The following ABHD2 variants were observed in gnomAD, a reference collection of about 807,000 sequenced individuals.
ABHD2 encodes the protein abhydrolase domain containing 2, acylglycerol lipase.
Under a neutral mutation model 48.1 loss-of-function variants are expected in ABHD2, and 20 were observed. That is an observed-to-expected ratio of 0.42 (90% CI 0.29 to 0.60). The LOEUF (loss-of-function observed/expected upper bound fraction) is 0.60, where lower values mean the gene tolerates loss of function less well. ABHD2 is among the 20% of genes least tolerant of loss of function. The probability of loss-of-function intolerance (pLI) is 0.24; values close to 1 mark genes in which losing one functional copy is unlikely to be tolerated. For synonymous variants in ABHD2, 209 were observed against 214.2 expected (o/e 0.98, Z 0.21); for missense variants, 405 against 550.9 (o/e 0.74, Z 2.65).
rs191074459 is a variant in ABHD2, at chr15:89,095,004, C to T, written c.-107+6441C>T. Among the ~76,000 whole-genome samples, 15 of 143,026 alleles carry T rather than the reference C, an allele frequency of 1.0e-4. 1 individual carries two copies. Among genetic ancestry groups the T allele is most frequent in the East Asian group, 6.1e-4 (3 of 4,922 alleles). The allele number at this position is 143,026 out of a possible 152,430, so 93.8% of individuals were successfully genotyped here. The stretch of plus-strand genomic sequence containing the variant: ...ACTTGAACCCGGGAGGCAGAGGTTC[C>T]GGTGAGCCAAGATTGAGCTACTGTA... On this transcript the variant is annotated intron_variant, in intron 1 of 10. Coordinates refer to ENST00000352732, the MANE Select transcript of ABHD2 (RefSeq NM_152924.5).
Position 89,196,312 on chromosome 15 carries a change from GT to G in ABHD2, c.*890del, listed in dbSNP as rs2051402109. 6.6e-6 allele frequency: 1 copy of G among 152,246 alleles called. No individual in the cohort carries two copies. Among genetic ancestry groups the G allele is most frequent in the African/African-American group, 2.4e-5 (1 of 41,454 alleles). 9.4% of individuals were successfully genotyped at this position (152,246 alleles called of 1,614,324 possible). ...TGCCGTCGTGTGACCACAGTGTGAT[GT>G]CTCAGAAGGGCTCTGGGTGGGCTGA... On this transcript the variant is annotated 3_prime_UTR_variant, in exon 11 of 11. Coordinates refer to ENST00000352732, the MANE Select transcript of ABHD2 (RefSeq NM_152924.5).
At position 89,201,803 on chromosome 15, in the gene ABHD2, T is replaced by C; in HGVS notation, c.*6380T>C. The C allele has an allele frequency of 7.3e-7, 1 of 1,365,768 alleles. No homozygotes were observed. Among genetic ancestry groups the C allele is most frequent in the Non-Finnish European group, 1.0e-6 (1 of 960,510 alleles). The allele number at this position is 1,365,768 out of a possible 1,614,324, so 84.6% of individuals were successfully genotyped here. On this transcript the variant is annotated 3_prime_UTR_variant, in exon 11 of 11. Coordinates refer to ENST00000352732, the MANE Select transcript of ABHD2 (RefSeq NM_152924.5). Reference sequence around the variant, plus strand: ...CCGTGGCCCCGGAGGCAGACGCCATTGGAGAGACAGCGCAGAGCAGGGGGC... The same window carrying C: ...CCGTGGCCCCGGAGGCAGACGCCATCGGAGAGACAGCGCAGAGCAGGGGGC...
chr15:89,151,701 G>A lies in ABHD2; in HGVS notation c.219G>A (p.Gly73=), dbSNP rs776119406. The change falls in exon 4 of 11, where the codon GGG becomes GGA. Residue 73 remains glycine, a synonymous_variant. Coordinates refer to ENST00000352732, the MANE Select transcript of ABHD2 (RefSeq NM_152924.5). This position sits in a 1 kb window ranked among gnomAD's most constrained non-coding sequence, Gnocchi z 4.7. ...TKEYIPPLIW[G]KSGHIQTALY... The stretch of plus-strand genomic sequence containing the variant: ...GATACATTCCACCGTTGATCTGGGG[G>A]AAAAGTGGACACATCCAGACAGCCT... 5 of 1,614,120 alleles carry A rather than the reference G, an allele frequency of 3.1e-6. No individual in the cohort carries two copies. The highest frequency in any genetic ancestry group is 4.2e-6 in the Non-Finnish European group (5 of 1,179,964).
At position 89,151,815 on chromosome 15, in the gene ABHD2, C is replaced by T. The variant is rs769257223; in HGVS notation, c.333C>T (p.Phe111=). 4.3e-5 allele frequency: 69 copies of T among 1,614,094 alleles called. 1 individual carries two copies. In the Middle Eastern group the frequency reaches 4.6e-3, roughly 108 times the overall value. ...ITMSDGATST[F]DLFEPLAEHC... is the part of the protein sequence containing the mutation. ...TGTCTGATGGAGCCACTTCTACATT[C>T]GACCTCTTCGAGCCCTTGGCTGAGC... The change falls in exon 4 of 11, where the codon TTC becomes TTT. Residue 111 remains phenylalanine (F), a synonymous_variant. Transcript: ENST00000352732. This position sits in a 1 kb window ranked among gnomAD's most constrained non-coding sequence, Gnocchi z 4.7.
chr15:89,135,710 T>C (rs1276998009), intron 3 of ABHD2: 1 of 1,389,588 alleles, frequency 7.2e-7, no homozygotes, highest in Non-Finnish European at 1.0e-6. Flanking sequence ...CTTTTCTTAC[T>C]TTTCCTTCAG....
the ABHD2 span, among the ~76,000 whole-genome samples, chr15:89,058,567 C>T: frequency 6.6e-6 from 1 of 152,130 alleles, no homozygotes; most frequent in Non-Finnish European, 1.5e-5. Flanking sequence ...GGAGCTTCTC[C>T]TGCTCTGGGC....
the ABHD2 span, among the ~76,000 whole-genome samples, chr15:89,071,789 G>C: frequency 6.6e-6 from 1 of 152,176 alleles, no homozygotes; most frequent in Non-Finnish European, 1.5e-5. Flanking sequence ...TTAAGTTATT[G>C]CTATTGGGTA....
intron 5 of ABHD2, among the ~76,000 whole-genome samples, chr15:89,169,144 G>A (rs995931113): frequency 6.6e-6 from 1 of 152,100 alleles, no homozygotes; most frequent in Non-Finnish European, 1.5e-5. Flanking sequence ...GGGGGAGTAA[G>A]ATGTTTAATA....
Position 89,176,889 on chromosome 15 carries a change from A to T in ABHD2, c.722+894A>T, listed in dbSNP as rs2051023389. ...AAACAGTCCTTATCGTTATTCAAAG[A>T]ATCTTTTTGCCTCACCTGTATATCT... On this transcript the variant is annotated intron_variant, in intron 6 of 10. Transcript: ENST00000352732. The surrounding 1 kb of genome is among the most constrained non-coding windows in gnomAD (Gnocchi z 4.5). Among the ~76,000 whole-genome samples the T allele has an allele frequency of 6.6e-6, 1 of 152,210 alleles. No individual in the cohort carries two copies. The highest frequency in any genetic ancestry group is 2.1e-4 in the South Asian group (1 of 4,832).
intron 5 of ABHD2, among the ~76,000 whole-genome samples, chr15:89,171,050 A>G (rs2050919266): frequency 6.6e-6 from 1 of 152,146 alleles, no homozygotes; most frequent in Admixed American, 6.5e-5. Context: ...CGGGAGGCAG[A>G]GGTTGCAGTG....
chr15:89,070,615 C>G, the ABHD2 span, among the ~76,000 whole-genome samples: 1 of 152,134 alleles, frequency 6.6e-6, no homozygotes, highest in African/African-American at 2.4e-5. Flanking sequence ...TGGGGGAAGG[C>G]CTGAGGTTCT....
chr15:89,051,960 C>G, the ABHD2 span, among the ~76,000 whole-genome samples: 1 of 152,164 alleles, frequency 6.6e-6, no homozygotes, highest in African/African-American at 2.4e-5. Context: ...TATTGGTAGA[C>G]TGAGCCACAG....
intron 3 of ABHD2, among the ~76,000 whole-genome samples, chr15:89,128,807 A>C (rs1458990131): frequency 6.6e-6 from 1 of 151,996 alleles, no homozygotes; most frequent in African/African-American, 2.4e-5. Flanking sequence ...GGAAGAGGAG[A>C]TCAGATCACG....
At chr15:89,187,991 C>T (rs1213956135) in intron 7 of ABHD2, among the ~76,000 whole-genome samples, 1 of 152,220 alleles carries the variant, frequency 6.6e-6, no homozygotes, top group Non-Finnish European at 1.5e-5. Context: ...TTTAGTTTGT[C>T]TGGGTACCCC....
chr15:89,042,208 G>A, the ABHD2 span, among the ~76,000 whole-genome samples: 97 of 152,304 alleles, frequency 6.4e-4, no homozygotes, highest in South Asian at 3.5e-3. Context: ...TGCAGCAGCT[G>A]CATAGCATAG....
Position 89,201,331 on chromosome 15 carries a change from G to A in ABHD2, c.*5908G>A. On this transcript the variant is annotated 3_prime_UTR_variant, in exon 11 of 11. Coordinates refer to ENST00000352732, the MANE Select transcript of ABHD2 (RefSeq NM_152924.5). ...TTTCAGTATCATGAAGTGAAGCACT[G>A]TGTGGTTGTGGCGTGGGCCCGTCTT... 1.9e-6 allele frequency: 2 copies of A among 1,047,742 alleles called. No homozygotes were observed. Among genetic ancestry groups the A allele is most frequent in the Non-Finnish European group, 1.5e-6 (1 of 678,902 alleles). 64.9% of individuals were successfully genotyped at this position (1,047,742 alleles called of 1,614,324 possible). A position where few individuals can be genotyped will look rare whatever the true frequency, so the allele number is the denominator to read the frequency against.
intron 8 of ABHD2, 86 bp from the exon 9 acceptor site, chr15:89,190,994 A>T (rs2051293725): frequency 7.4e-7 from 1 of 1,342,452 alleles, no homozygotes; most frequent in Admixed American, 1.8e-5. Context: ...AGCGTGAGGA[A>T]CTGGAGCCAT....
intron 6 of ABHD2, among the ~76,000 whole-genome samples, chr15:89,183,731 C>T (rs75136675): frequency 2.9e-3 from 438 of 152,240 alleles, no homozygotes; most frequent in African/African-American, 0.01. Flanking sequence ...TGGCCACACC[C>T]TCCTCCCTTC....
Position 89,188,160 on chromosome 15 carries a change from C to G in ABHD2, c.816-33C>G, listed in dbSNP as rs1333646723. The G allele has an allele frequency of 1.3e-6, 2 of 1,593,696 alleles. No homozygotes were observed. The highest frequency in any genetic ancestry group is 1.3e-5 in the African/African-American group (1 of 74,696). ...TGCCATGGTTGTTCATCCTCCACAT[C>G]TTAATCTCTGTTTGCTTTTGTGTTT... On this transcript the variant is annotated intron_variant, in intron 7 of 10. Coordinates refer to ENST00000352732, the MANE Select transcript of ABHD2 (RefSeq NM_152924.5). The surrounding 1 kb of genome is among the most constrained non-coding windows in gnomAD (Gnocchi z 4.1).
Sources: allele counts gnomAD v4.1 joint callset (sites outside exome capture counted in the v4.1 genomes callset), GRCh38; gene constraint gnomAD v4.1.1; non-coding constraint Gnocchi (gnomAD v3.1); transcripts MANE v1.5; gene names NCBI Gene and HGNC (gene_info 2026-07-23, HGNC 2026-07-21).